Variants in SHISA9 observed in about 807,000 individuals in gnomAD.
SHISA9 encodes protein shisa-9.
Under a neutral mutation model 38.0 loss-of-function variants are expected in SHISA9, and 13 were observed. The ratio of observed to expected loss-of-function variants is 0.34; its 90% CI spans 0.22 to 0.54. The LOEUF is 0.54. Ranked by LOEUF, SHISA9 falls within the 20% of genes least tolerant of loss-of-function variation. The pLI is 0.91. For missense variants in SHISA9, 538 were observed against 575.8 expected, an observed-to-expected ratio of 0.93 and a Z score of 0.67; for synonymous variants, 275 against 242.0, an observed-to-expected ratio of 1.14 and a Z score of -1.27.
rs548722462 is a variant in SHISA9, at chr16:12,902,131, G to T, written c.67G>T (p.Ala23Ser). ...CGAGCTGTGCGCCCGCGTGTGCCGG[G>T]CGCAGGAGCGAGCGGGACACGGGCA... is the stretch of plus-strand genomic sequence containing the variant. ...LTELCARVCRAQERAGHGQLA... is the reference protein window; with the variant it reads ...LTELCARVCRSQERAGHGQLA... The change falls in exon 1 of 5, where the codon GCG becomes TCG. Residue 23 changes from alanine to serine, a missense_variant. Ala to Ser is a moderately conservative substitution (Grantham distance 99). This residue lies in a region of SHISA9 where 107 missense variants were observed against 103.0 expected (regional missense o/e 1.04). Coordinates refer to ENST00000558583, the MANE Select transcript of SHISA9 (RefSeq NM_001145204.3). The T allele has an allele frequency of 6.6e-7, 1 of 1,513,700 alleles. No individual in the cohort carries two copies. Among genetic ancestry groups the T allele is most frequent in the South Asian group, 1.2e-5 (1 of 81,958 alleles). 93.8% of individuals were successfully genotyped at this position (1,513,700 alleles called of 1,614,324 possible).
At chr16:13,203,734 T>A (rs1459056000) in intron 3 of SHISA9, among the ~76,000 whole-genome samples, 185 bp downstream of exon 3, 1 of 152,206 alleles carries the variant, frequency 6.6e-6, no homozygotes, top group South Asian at 2.1e-4. Flanking sequence ...TATGTATATC[T>A]ATATATCTAT....
At chr16:13,335,760 G>T in the SHISA9 span, among the ~76,000 whole-genome samples, 1,346 of 152,214 alleles carry the variant, frequency 8.8e-3, 19 homozygotes, top group African/African-American at 0.03. Flanking sequence ...ACCATTTTGG[G>T]GGGGATCGGA....
At chr16:12,934,543 C>G (rs562360839) in intron 2 of SHISA9, among the ~76,000 whole-genome samples, 31 of 152,184 alleles carry the variant, frequency 2.0e-4, no homozygotes, top group Non-Finnish European at 4.4e-4. Context: ...GGAGAGAAGA[C>G]TTTGAAGAAA....
intron 2 of SHISA9, among the ~76,000 whole-genome samples, chr16:13,029,314 A>G (rs1010923599): frequency 1.9e-4 from 29 of 152,206 alleles, no homozygotes; most frequent in African/African-American, 6.5e-4. Context: ...CATAAAAAGA[A>G]TGAGATCTTG....
chr16:13,149,695 C>T (rs572478922), intron 2 of SHISA9, among the ~76,000 whole-genome samples: 36 of 152,062 alleles, frequency 2.4e-4, no homozygotes, highest in African/African-American at 8.4e-4. Context: ...GAGGCTAAGG[C>T]AGGTGGATCA....
chr16:13,406,047 A>G, the SHISA9 span, among the ~76,000 whole-genome samples: 1 of 152,244 alleles, frequency 6.6e-6, no homozygotes, highest in African/African-American at 2.4e-5. Flanking sequence ...TAATCAACAG[A>G]ATAAACGACA....
the SHISA9 span, among the ~76,000 whole-genome samples, chr16:13,539,342 TAAAGATATATATATATAAAG>T: frequency 2.7e-5 from 1 of 36,838 alleles, no homozygotes; most frequent in African/African-American, 7.6e-5. Flanking sequence ...TATATATATA[TAAAGATATATATATATAAAG>T]ACAGGATCTC....
chr16:13,037,088 CCA>C (rs71147781), intron 2 of SHISA9, among the ~76,000 whole-genome samples: 7,455 of 129,660 alleles, frequency 0.057, 386 homozygotes, highest in East Asian at 0.18. Flanking sequence ...ACACACCACA[CCA>C]CACACACACA....
chr16:13,280,592 A>G, the SHISA9 span, among the ~76,000 whole-genome samples: 1 of 151,760 alleles, frequency 6.6e-6, no homozygotes, highest in African/African-American at 2.4e-5. Flanking sequence ...CACACATCTC[A>G]AGAATGTTCT....
At chr16:13,254,311 C>A in the SHISA9 span, among the ~76,000 whole-genome samples, 1 of 152,136 alleles carries the variant, frequency 6.6e-6, no homozygotes, top group Non-Finnish European at 1.5e-5. Context: ...ATCATCTGGT[C>A]CAAAACTTTC....
the SHISA9 span, among the ~76,000 whole-genome samples, chr16:13,282,629 G>A: frequency 6.6e-6 from 1 of 152,046 alleles, no homozygotes; most frequent in African/African-American, 2.4e-5. Context: ...CTACATGTAT[G>A]TCAGATCATT....
chr16:13,506,666 G>C, the SHISA9 span, among the ~76,000 whole-genome samples: 2 of 152,110 alleles, frequency 1.3e-5, no homozygotes, highest in African/African-American at 4.8e-5. Flanking sequence ...TGAAGTGAGA[G>C]AAAGGGGATT....
chr16:13,301,322 G>A, the SHISA9 span, among the ~76,000 whole-genome samples: 1 of 152,202 alleles, frequency 6.6e-6, no homozygotes, highest in African/African-American at 2.4e-5. Flanking sequence ...GAACCACTTG[G>A]AGAGTCTTGT....
chr16:12,951,971 G>A (rs933563061), intron 2 of SHISA9, among the ~76,000 whole-genome samples: 3 of 152,230 alleles, frequency 2.0e-5, no homozygotes, highest in Non-Finnish European at 4.4e-5. Context: ...TATGGCATTT[G>A]AAGATGCTAC....
In SHISA9 at chr16:12,901,804, C is replaced by G. The variant is rs1442538024; in HGVS notation, c.-261C>G. On this transcript the variant is annotated 5_prime_UTR_variant, in exon 1 of 5. Transcript: ENST00000558583. Reference sequence around the variant, plus strand: ...CGCGCTTGACCCCGCTCATCCTCCCCCCGCCCGGCCGGGCGCGCTCCTCCC... The same window carrying G: ...CGCGCTTGACCCCGCTCATCCTCCCGCCGCCCGGCCGGGCGCGCTCCTCCC... 3 of 148,002 alleles carry G rather than the reference C, an allele frequency of 2.0e-5. No individual in the cohort carries two copies. Among genetic ancestry groups the G allele is most frequent in the Non-Finnish European group, 3.0e-5 (2 of 66,762 alleles). 9.2% of individuals were successfully genotyped at this position (148,002 alleles called of 1,614,324 possible).
intron 2 of SHISA9, among the ~76,000 whole-genome samples, chr16:13,023,247 C>T (rs963584716): frequency 2.6e-5 from 4 of 152,140 alleles, no homozygotes; most frequent in African/African-American, 7.2e-5. Context: ...TCAATTCCCA[C>T]CTATGAGTGA....
At chr16:13,069,000 A>G (rs1288190165) in intron 2 of SHISA9, among the ~76,000 whole-genome samples, 1 of 151,096 alleles carries the variant, frequency 6.6e-6, no homozygotes, top group Admixed American at 6.6e-5. Flanking sequence ...CAATGTGTGT[A>G]TGTGCGTATG....
In SHISA9 at chr16:12,916,181, C is replaced by G. The variant is rs368598429; in HGVS notation, c.564-507C>G. Among the ~76,000 whole-genome samples, 19 of 152,194 alleles carry G rather than the reference C, an allele frequency of 1.2e-4. No individual in the cohort carries two copies. The East Asian group carries it at 1.5e-3, about 12-fold the overall frequency. On this transcript the variant is annotated intron_variant, in intron 1 of 4. Transcript: ENST00000558583. ...AGCAGGTCGATTCACCTCTCTGAGC[C>G]TTTGTTTACTTATCTGCAAGGAGTA...
chr16:13,157,694 G>C (rs1002175143), intron 2 of SHISA9, among the ~76,000 whole-genome samples: 1 of 152,082 alleles, frequency 6.6e-6, no homozygotes. Flanking sequence ...GGGCAGTTCA[G>C]CATTACCCCT....
Sources: gnomAD v4.1 joint callset for allele counts (sites outside exome capture counted in the v4.1 genomes callset) on GRCh38, gnomAD v4.1.1 for gene constraint, gnomAD v4.1.1 regional missense constraint, MANE v1.5 for transcripts, NCBI Gene and HGNC (gene_info 2026-07-23, HGNC 2026-07-21) for gene names.